The following ARHGAP22 variants were observed in gnomAD, a reference collection of about 807,000 sequenced individuals.
ARHGAP22 encodes the protein Rho GTPase activating protein 22, also known as rho GTPase-activating protein 22.
ARHGAP22 carries 48 observed loss-of-function variants against 59.1 expected under a neutral mutation model. The ratio of observed to expected loss-of-function variants is 0.81; its 90% CI spans 0.64 to 1.03. The LOEUF (loss-of-function observed/expected upper bound fraction) is 1.03. Among genes scored for constraint, ARHGAP22 ranks in the 50% least tolerant of loss-of-function variants. The pLI, the probability that ARHGAP22 is intolerant of heterozygous loss-of-function variation, is 0.00. For synonymous variants in ARHGAP22, 445 were observed against 416.4 expected, an observed-to-expected ratio of 1.07 and a Z score of -0.84; for missense variants, 1,015 against 958.7, an observed-to-expected ratio of 1.06 and a Z score of -0.78.
intron 3 of ARHGAP22, among the ~76,000 whole-genome samples, chr10:48,489,805 C>T (rs2050199677): frequency 1.4e-5 from 2 of 146,240 alleles, no homozygotes; most frequent in East Asian, 4.0e-4. Context: ...GCAATCTTGG[C>T]TCACTGCAAG....
upstream of ARHGAP22, among the ~76,000 whole-genome samples, chr10:48,605,494 C>T (rs1008717328): frequency 2.6e-5 from 4 of 151,884 alleles, no homozygotes; most frequent in Admixed American, 2.0e-4. Flanking sequence ...CTATTTATGC[C>T]TCTTTAGTAA....
intron 3 of ARHGAP22, among the ~76,000 whole-genome samples, chr10:48,550,408 C>G (rs1177320668): frequency 6.6e-6 from 1 of 152,222 alleles, no homozygotes; most frequent in African/African-American, 2.4e-5. Context: ...GTTCACCAAA[C>G]CAGCCTTGCC....
At chr10:48,598,943 CA>C (rs2060229243) in intron 1 of ARHGAP22, among the ~76,000 whole-genome samples, 1 of 152,244 alleles carries the variant, frequency 6.6e-6, no homozygotes. Flanking sequence ...TTGATCCCAG[CA>C]GTGCCCCTTC....
chr10:48,617,095 AG>A (rs2061109842), intron 1 of ARHGAP22, among the ~76,000 whole-genome samples: 1 of 126,490 alleles, frequency 7.9e-6, no homozygotes, highest in Non-Finnish European at 1.6e-5. Flanking sequence ...ATAGAAAAAA[AG>A]TTTTGTAATA....
intron 3 of ARHGAP22, among the ~76,000 whole-genome samples, chr10:48,544,775 G>A (rs910240517): frequency 2.6e-5 from 4 of 152,112 alleles, no homozygotes; most frequent in African/African-American, 9.7e-5. Context: ...CAAATAAATG[G>A]TAAATGCTTG....
chr10:48,597,531 G>A (rs982191074), intron 1 of ARHGAP22, among the ~76,000 whole-genome samples: 4 of 152,094 alleles, frequency 2.6e-5, no homozygotes, highest in Non-Finnish European at 5.9e-5. Context: ...GGCCAGATAC[G>A]GATCCTGCTG....
At chr10:48,540,315 C>A (rs2055810589) in intron 3 of ARHGAP22, among the ~76,000 whole-genome samples, 1 of 152,238 alleles carries the variant, frequency 6.6e-6, no homozygotes, top group Admixed American at 6.5e-5. Context: ...CGGCTCATCA[C>A]AACCTCCACC....
intron 3 of ARHGAP22, chr10:48,546,518 C>G (rs1248491116): frequency 6.3e-6 from 1 of 158,488 alleles, no homozygotes; most frequent in Non-Finnish European, 1.4e-5. Flanking sequence ...CAACAGGGCA[C>G]AGATTCCATC....
chr10:48,507,900 G>GGGGGTGGGGGT (rs983250436), intron 3 of ARHGAP22, among the ~76,000 whole-genome samples: 3 of 148,984 alleles, frequency 2.0e-5, no homozygotes, highest in Non-Finnish European at 4.5e-5. Context: ...GGAAATACTG[G>GGGGGTGGGGGT]GGGGTGGGGG....
chr10:48,633,460 T>G (rs1393542616), intron 1 of ARHGAP22, among the ~76,000 whole-genome samples: 2 of 152,172 alleles, frequency 1.3e-5, no homozygotes, highest in East Asian at 3.8e-4. Context: ...TGGAAGGGAG[T>G]TCCCACTTAT....
chr10:48,601,235 C>A (rs897828077), intron 1 of ARHGAP22, among the ~76,000 whole-genome samples: 1 of 152,154 alleles, frequency 6.6e-6, no homozygotes, highest in Admixed American at 6.5e-5. Flanking sequence ...TCCCAGGAGG[C>A]CTGCTAACCC....
chr10:48,591,193 G>A (rs959366250), intron 1 of ARHGAP22, among the ~76,000 whole-genome samples: 14 of 152,160 alleles, frequency 9.2e-5, no homozygotes, highest in African/African-American at 2.2e-4. Context: ...CTGCGAGCCC[G>A]CAGACTCAAA....
intron 3 of ARHGAP22, among the ~76,000 whole-genome samples, chr10:48,521,625 G>A (rs2053815570): frequency 6.6e-6 from 1 of 152,210 alleles, no homozygotes; most frequent in South Asian, 2.1e-4. Context: ...TTAAAAAAAT[G>A]CACATACACA....
intron 1 of ARHGAP22, among the ~76,000 whole-genome samples, chr10:48,614,204 C>G (rs977236354): frequency 2.0e-5 from 3 of 152,190 alleles, no homozygotes; most frequent in Non-Finnish European, 4.4e-5. Context: ...AATATGGTAT[C>G]ATAAAAGCCA....
intron 1 of ARHGAP22, among the ~76,000 whole-genome samples, chr10:48,591,173 G>A (rs1021469571): frequency 3.9e-5 from 6 of 152,204 alleles, no homozygotes; most frequent in African/African-American, 1.4e-4. Flanking sequence ...CAGGCTAAGA[G>A]GGAGGGTGAC....
chr10:48,531,485 AG>A (rs2054841217), intron 3 of ARHGAP22, among the ~76,000 whole-genome samples: 2 of 152,360 alleles, frequency 1.3e-5, no homozygotes, highest in Admixed American at 1.3e-4. Context: ...GTAGTCTGTT[AG>A]GCAGTTACAG....
upstream of ARHGAP22, among the ~76,000 whole-genome samples, chr10:48,655,007 TC>T (rs2062727233): frequency 9.4e-5 from 8 of 84,910 alleles, no homozygotes; most frequent in African/African-American, 2.7e-4. Context: ...TCTCTTTCTT[TC>T]TCTTTCTTTC....
chr10:48,586,524 G>T (rs1403036865), intron 1 of ARHGAP22, among the ~76,000 whole-genome samples: 5 of 152,166 alleles, frequency 3.3e-5, no homozygotes, highest in Non-Finnish European at 7.3e-5. Context: ...AGGTCACAGG[G>T]CAGAGAATGG....
chr10:48,650,721 C>T (rs2062525267), intron 1 of ARHGAP22, among the ~76,000 whole-genome samples: 2 of 152,152 alleles, frequency 1.3e-5, no homozygotes, highest in South Asian at 4.1e-4. Flanking sequence ...TGGCTGGAAC[C>T]TCCTACAAAA....
Sources: gnomAD v4.1 joint callset for allele counts (sites outside exome capture counted in the v4.1 genomes callset) on GRCh38, gnomAD v4.1.1 for gene constraint, MANE v1.5 for transcripts, NCBI Gene and HGNC (gene_info 2026-07-23, HGNC 2026-07-21) for gene names.